KCTD8: variants seen among roughly 807,000 people sequenced by gnomAD.
KCTD8 encodes the protein potassium channel tetramerization domain containing 8.
Under a neutral mutation model 31.5 loss-of-function variants are expected in KCTD8, and 27 were observed. The observed-to-expected ratio is 0.86, with a 90% confidence interval of 0.63 to 1.18. The LOEUF is 1.18. KCTD8 is among the 50% of genes most tolerant of loss of function. The pLI, the probability that KCTD8 is intolerant of heterozygous loss-of-function variation, is 0.00. For missense variants in KCTD8, 658 were observed against 647.7 expected (o/e 1.02, Z -0.17); for synonymous variants, 290 against 280.0 (o/e 1.04, Z -0.36).
intron 1 of KCTD8, among the ~76,000 whole-genome samples, chr4:44,312,660 G>T (rs1200600317): frequency 6.6e-6 from 1 of 152,110 alleles, no homozygotes; most frequent in African/African-American, 2.4e-5. Flanking sequence ...ACCAAAGTTT[G>T]ATATGCATCC....
intron 1 of KCTD8, among the ~76,000 whole-genome samples, chr4:44,412,037 T>C (rs1720973404): frequency 6.6e-6 from 1 of 152,170 alleles, no homozygotes; most frequent in Non-Finnish European, 1.5e-5. Context: ...ACAATGTTGA[T>C]ATCTTAAACC....
At chr4:44,447,445 T>C (rs1721970342) in intron 1 of KCTD8, 118 bp downstream of exon 1, 5 of 1,411,156 alleles carry the variant, frequency 3.5e-6, no homozygotes, top group South Asian at 1.6e-5. Flanking sequence ...CCGCTCTCTA[T>C]AAGGAGTTAA....
At position 44,231,269 on chromosome 4, in the gene KCTD8, A is replaced by G. The variant is rs535268631; in HGVS notation, c.962-56019T>C. ...CTATCTCTGATTTTCAGGTCTTTTT[A>G]TAGTTGCTTCAATCAATGCTATAAC... is the stretch of plus-strand genomic sequence containing the variant. On this transcript the variant is annotated intron_variant, in intron 1 of 1. Transcript: ENST00000360029. Among the ~76,000 whole-genome samples, 15 of 152,220 alleles carry G rather than the reference A, an allele frequency of 9.9e-5. No individual in the cohort carries two copies. In the South Asian group the frequency reaches 2.7e-3, roughly 27 times the overall value.
intron 1 of KCTD8, among the ~76,000 whole-genome samples, chr4:44,399,191 C>A (rs1382482390): frequency 6.6e-6 from 1 of 152,072 alleles, no homozygotes; most frequent in African/African-American, 2.4e-5. Context: ...ATGTGGAGGT[C>A]ATTCCTTTTA....
chr4:44,392,165 A>G (rs1161191965), intron 1 of KCTD8, among the ~76,000 whole-genome samples: 3 of 151,888 alleles, frequency 2.0e-5, no homozygotes, highest in Non-Finnish European at 4.4e-5. Context: ...TCATAAAACT[A>G]GGTTTATAGG....
intron 1 of KCTD8, among the ~76,000 whole-genome samples, chr4:44,229,890 C>T (rs1482975742): frequency 1.3e-5 from 2 of 151,768 alleles, no homozygotes; most frequent in African/African-American, 4.8e-5. Context: ...AGGTTTGTTA[C>T]ATAGGTATAC....
At chr4:44,216,168 C>A (rs187188485) in intron 1 of KCTD8, among the ~76,000 whole-genome samples, 1 of 152,232 alleles carries the variant, frequency 6.6e-6, no homozygotes, top group African/African-American at 2.4e-5. Flanking sequence ...TAGAAACAAT[C>A]AGTATAAACA....
chr4:44,359,486 T>C (rs1051394190), intron 1 of KCTD8, among the ~76,000 whole-genome samples: 4 of 152,190 alleles, frequency 2.6e-5, no homozygotes, highest in African/African-American at 9.6e-5. Context: ...AAATATACCT[T>C]AGCGACAGAG....
At chr4:44,178,023 G>T (rs992103246) in intron 1 of KCTD8, among the ~76,000 whole-genome samples, 66 of 152,270 alleles carry the variant, frequency 4.3e-4, no homozygotes, top group Non-Finnish European at 7.2e-4. Context: ...CCAGATTTAT[G>T]TGGCAATAAA....
intron 1 of KCTD8, among the ~76,000 whole-genome samples, chr4:44,295,427 G>A (rs904732184): frequency 5.9e-5 from 9 of 152,066 alleles, no homozygotes; most frequent in African/African-American, 1.2e-4. Context: ...TAAGACCCAA[G>A]AGAGCCCCTT....
chr4:44,187,475 C>A (rs768784988), intron 1 of KCTD8, among the ~76,000 whole-genome samples: 2 of 152,194 alleles, frequency 1.3e-5, no homozygotes, highest in Non-Finnish European at 2.9e-5. Flanking sequence ...ATGAAGCCTG[C>A]GGAACTACTC....
chr4:44,305,807 T>C (rs150161704), intron 1 of KCTD8, among the ~76,000 whole-genome samples: 233 of 151,976 alleles, frequency 1.5e-3, no homozygotes, highest in African/African-American at 5.4e-3. Context: ...AATCCAACCA[T>C]TTACTGGATC....
intron 1 of KCTD8, among the ~76,000 whole-genome samples, chr4:44,185,078 C>T (rs1303151458): frequency 6.6e-6 from 1 of 152,204 alleles, no homozygotes; most frequent in East Asian, 1.9e-4. Flanking sequence ...TTTAGTGAGA[C>T]ATATATTAGA....
At chr4:44,283,889 A>T (rs62304827) in intron 1 of KCTD8, among the ~76,000 whole-genome samples, 34,909 of 151,984 alleles carry the variant, frequency 0.23, 4,767 homozygotes, top group Non-Finnish European at 0.31. Flanking sequence ...TGCTACTAAG[A>T]GAATAAAATA....
At chr4:44,297,174 T>G (rs936571804) in intron 1 of KCTD8, among the ~76,000 whole-genome samples, 3 of 151,982 alleles carry the variant, frequency 2.0e-5, no homozygotes, top group African/African-American at 7.2e-5. Flanking sequence ...AAAAATATAT[T>G]CAACATAAGA....
intron 1 of KCTD8, among the ~76,000 whole-genome samples, chr4:44,255,813 T>C (rs2109363418): frequency 6.6e-6 from 1 of 152,086 alleles, no homozygotes; most frequent in South Asian, 2.1e-4. Context: ...AGATAACATC[T>C]CTATTACTTT....
intron 1 of KCTD8, among the ~76,000 whole-genome samples, chr4:44,380,546 T>C (rs1021957396): frequency 3.3e-5 from 5 of 151,754 alleles, no homozygotes; most frequent in Non-Finnish European, 5.9e-5. Context: ...ATTAATTTCA[T>C]ATTAATATAA....
At chr4:44,225,945 C>G (rs1714948184) in intron 1 of KCTD8, among the ~76,000 whole-genome samples, 1 of 151,530 alleles carries the variant, frequency 6.6e-6, no homozygotes, top group Admixed American at 6.6e-5. Context: ...CTCAGCCTCC[C>G]GAGTAGCTGG....
At chr4:44,331,653 T>C (rs1718593055) in intron 1 of KCTD8, among the ~76,000 whole-genome samples, 1 of 150,646 alleles carries the variant, frequency 6.6e-6, no homozygotes, top group Admixed American at 6.6e-5. Context: ...ATTTATAAAA[T>C]GTATATATTT....
Sources: gnomAD v4.1 joint callset for allele counts (sites outside exome capture counted in the v4.1 genomes callset) on GRCh38, gnomAD v4.1.1 for gene constraint, MANE v1.5 for transcripts, NCBI Gene and HGNC (gene_info 2026-07-23, HGNC 2026-07-21) for gene names.